The following NASP variants were observed in gnomAD, a reference collection of about 807,000 sequenced individuals.
NASP encodes nuclear autoantigenic sperm protein, also known as NASP histone chaperone.
Under a neutral mutation model 89.5 loss-of-function variants are expected in NASP, and 24 were observed. The ratio of observed to expected loss-of-function variants is 0.27; its 90% confidence interval spans 0.19 to 0.38. The LOEUF is 0.38. NASP is among the 10% of genes least tolerant of loss of function. The probability of loss-of-function intolerance (pLI) is 1.00; values close to 1 mark genes in which losing one functional copy is unlikely to be tolerated. For synonymous variants in NASP, 306 were observed against 324.7 expected, an observed-to-expected ratio of 0.94 and a Z score of 0.62; for missense variants, 848 against 921.4, an observed-to-expected ratio of 0.92 and a Z score of 1.03.
chr1:45,599,953 ATT>A (rs11302173), intron 2 of NASP, among the ~76,000 whole-genome samples: 1,630 of 79,096 alleles, frequency 0.021, 11 homozygotes, highest in South Asian at 0.083. Flanking sequence ...TTTCCTCTGT[ATT>A]TTTTTTTTTT....
At position 45,608,346 on chromosome 1, in the gene NASP, G is replaced by T; in HGVS notation, c.1426+9G>T. The T allele has an allele frequency of 6.3e-7, 1 of 1,593,942 alleles. No individual in the cohort carries two copies. The highest frequency in any genetic ancestry group is 1.8e-5 in the Admixed American group (1 of 56,336). On this transcript the variant is annotated intron_variant, in intron 6 of 14. Transcript: ENST00000350030. ...GATGAAAGAGGGTGAAGGTAACCGG[G>T]ATATGCAAGAGCTGCAGTGGGTGGA...
chr1:45,600,361 C>T (rs1212123488), intron 2 of NASP: 2 of 1,266,840 alleles, frequency 1.6e-6, no homozygotes, highest in Non-Finnish European at 2.1e-6. Flanking sequence ...CCTCATGTGC[C>T]TTTGTACTTC....
chr1:45,605,484 A>G (rs892677097), intron 4 of NASP, among the ~76,000 whole-genome samples: 9 of 150,404 alleles, frequency 6.0e-5, no homozygotes, highest in Admixed American at 4.6e-4. Flanking sequence ...TTTTTTTGAG[A>G]TGGAGTCTCA....
At chr1:45,592,977 C>T (rs1368851173) in intron 2 of NASP, among the ~76,000 whole-genome samples, 2 of 152,118 alleles carry the variant, frequency 1.3e-5, no homozygotes, top group African/African-American at 4.8e-5. Flanking sequence ...TGAAATAGCT[C>T]TCCTTTATTA....
Position 45,588,957 on chromosome 1 carries a change from G to GTGTTTGTTTGTTTGTT in NASP, c.60-2254_60-2239dup, listed in dbSNP as rs56181355. ...AGAATGAGCAGTAGCAGGTGGTCAA[G>GTGTTTGTTTGTTTGTT]TGTTTGTTTGTTTGTTTGTTTGTTT... On this transcript the variant is annotated intron_variant, in intron 1 of 14. Transcript: ENST00000350030. The GTGTTTGTTTGTTTGTT allele has an allele frequency of 1.9e-3, 314 of 161,208 alleles. 10 individuals carry two copies. The highest frequency in any genetic ancestry group is 5.1e-3 in the South Asian group (36 of 7,096). 10.0% of individuals were successfully genotyped at this position (161,208 alleles called of 1,614,324 possible).
At position 45,593,934 on chromosome 1, in the gene NASP, TAGG is replaced by T. The variant is rs542413703; in HGVS notation, c.107+2669_107+2671del. Among the ~76,000 whole-genome samples, 209 of 149,808 alleles carry T rather than the reference TAGG, an allele frequency of 1.4e-3. 1 individual carries two copies. Among genetic ancestry groups the T allele is most frequent in the African/African-American group, 3.4e-3 (137 of 40,758 alleles). On this transcript the variant is annotated intron_variant, in intron 2 of 14. Coordinates refer to ENST00000350030, the MANE Select transcript of NASP (RefSeq NM_002482.4). ...GTCCCAGATACTGGGGAGGCTGAGG[TAGG>T]AGGATTGCGGAAGCCCAGGAAGTCG...
intron 9 of NASP, 41 bp downstream of exon 9, chr1:45,614,407 C>A: frequency 6.9e-7 from 1 of 1,444,860 alleles, no homozygotes; most frequent in Non-Finnish European, 9.7e-7. Context: ...CTCTCTTCAG[C>A]TCCCTCGTTC....
At chr1:45,586,512 C>T (rs1472970383) in intron 1 of NASP, among the ~76,000 whole-genome samples, 3 of 152,132 alleles carry the variant, frequency 2.0e-5, no homozygotes, top group African/African-American at 7.2e-5. Context: ...GGTCTCCCAA[C>T]GCCTAGGCTC....
Position 45,608,195 on chromosome 1 carries a change from T to G in NASP, c.1284T>G (p.Ser428=). The change falls in exon 6 of 15, where the codon TCT becomes TCG. Residue 428 remains serine, a synonymous_variant. Transcript: ENST00000350030. ...LVPSQEETKL[S]VEESEAAGDG... ...CTAGTCAGGAGGAGACTAAGCTGTC[T>G]GTAGAAGAGTCTGAGGCAGCTGGAG... is the stretch of plus-strand genomic sequence containing the variant. 2 of 1,614,202 alleles carry G rather than the reference T, an allele frequency of 1.2e-6. No individual in the cohort carries two copies. Among genetic ancestry groups the G allele is most frequent in the Non-Finnish European group, 1.7e-6 (2 of 1,180,022 alleles).
intron 2 of NASP, chr1:45,594,778 G>A (rs1035557811): frequency 1.1e-5 from 5 of 448,486 alleles, no homozygotes; most frequent in Admixed American, 2.4e-5. Flanking sequence ...TTACAGGTGT[G>A]AGCCACTATG....
chr1:45,585,130 C>T (rs925274774), intron 1 of NASP, among the ~76,000 whole-genome samples: 1 of 152,202 alleles, frequency 6.6e-6, no homozygotes, highest in Non-Finnish European at 1.5e-5. Flanking sequence ...GGCACAGTGC[C>T]ACTCAGGCGT....
At chr1:45,616,034 A>G (rs559981997) in intron 11 of NASP, among the ~76,000 whole-genome samples, 31 of 152,350 alleles carry the variant, frequency 2.0e-4, no homozygotes, top group African/African-American at 7.0e-4. Context: ...ATTTGCATAA[A>G]TTAATGAGGC....
At chr1:45,608,423 C>A in intron 6 of NASP, 86 bp downstream of exon 6, 1 of 1,393,934 alleles carries the variant, frequency 7.2e-7, no homozygotes, top group Non-Finnish European at 9.9e-7. Context: ...GCCTTCCATT[C>A]AGGATTTTCC....
intron 1 of NASP, among the ~76,000 whole-genome samples, chr1:45,587,416 C>T (rs1020586883): frequency 7.9e-5 from 12 of 151,746 alleles, no homozygotes; most frequent in South Asian, 4.2e-4. Context: ...GGTGATCAGC[C>T]GGTCTCGGCG....
At chr1:45,587,687 T>TATATGTATATAA (rs66829841) in intron 1 of NASP, among the ~76,000 whole-genome samples, 2 of 78,200 alleles carry the variant, frequency 2.6e-5, no homozygotes, top group African/African-American at 5.3e-5. Context: ...TATATATATA[T>TATATGTATATAA]AATTAATTTT....
intron 3 of NASP, among the ~76,000 whole-genome samples, chr1:45,604,386 T>A (rs979722316): frequency 3.3e-5 from 5 of 152,248 alleles, no homozygotes; most frequent in Admixed American, 6.5e-5. Context: ...TTACATACAT[T>A]AACTCATTTA....
intron 1 of NASP, among the ~76,000 whole-genome samples, chr1:45,590,557 A>G (rs1643513787): frequency 6.6e-6 from 1 of 151,224 alleles, no homozygotes; most frequent in Non-Finnish European, 1.5e-5. Context: ...CTCAAAAAAA[A>G]AAAAAAAAAA....
chr1:45,617,597 C>T lies in NASP; in HGVS notation c.2286+6C>T, dbSNP rs748167795. On this transcript the variant is annotated splice_donor_region_variant and intron_variant, in intron 14 of 14. Coordinates refer to ENST00000350030, the MANE Select transcript of NASP (RefSeq NM_002482.4). The stretch of plus-strand genomic sequence containing the variant: ...CGGAAAACATGGAGGAGGAGGTGGG[C>T]AGTTAAGCAGGGCTTAGCCTCTTGC... 1.3e-6 allele frequency: 2 copies of T among 1,578,740 alleles called. No homozygotes were observed. Among genetic ancestry groups the T allele is most frequent in the South Asian group, 1.2e-5 (1 of 84,244 alleles).
At chr1:45,586,239 C>CGCGCGTGTGT (rs1644532749) in intron 1 of NASP, among the ~76,000 whole-genome samples, 4 of 110,232 alleles carry the variant, frequency 3.6e-5, no homozygotes, top group African/African-American at 1.6e-4. Context: ...CCTACCGTGC[C>CGCGCGTGTGT]GTGTGTGTGT....
Sources: gnomAD v4.1 joint callset for allele counts (sites outside exome capture counted in the v4.1 genomes callset) on GRCh38, gnomAD v4.1.1 for gene constraint, MANE v1.5 for transcripts, NCBI Gene and HGNC (gene_info 2026-07-23, HGNC 2026-07-21) for gene names.